Variants in ST8SIA6 observed in about 807,000 individuals in gnomAD.
ST8SIA6 encodes alpha-2,8-sialyltransferase 8F.
In ST8SIA6, 39 loss-of-function variants were observed where a neutral mutation model predicts 33.6. The ratio of observed to expected loss-of-function variants is 1.16; its 90% CI spans 0.90 to 1.52. The LOEUF is 1.52. Among genes scored for constraint, ST8SIA6 ranks in the 40% most tolerant of loss-of-function variants. The probability of loss-of-function intolerance (pLI) is 0.00; values close to 1 mark genes in which losing one functional copy is unlikely to be tolerated. For missense variants in ST8SIA6, 441 were observed against 443.8 expected, an observed-to-expected ratio of 0.99 and a Z score of 0.06; for synonymous variants, 172 against 167.2, an observed-to-expected ratio of 1.03 and a Z score of -0.22.
intron 2 of ST8SIA6, among the ~76,000 whole-genome samples, chr10:17,416,073 G>T (rs1851599088): frequency 6.6e-6 from 1 of 151,970 alleles, no homozygotes; most frequent in South Asian, 2.1e-4. Flanking sequence ...CTCCCAAAGG[G>T]CTGGGATTAC....
At chr10:17,444,370 G>A (rs1265379034) in intron 2 of ST8SIA6, among the ~76,000 whole-genome samples, 1 of 152,200 alleles carries the variant, frequency 6.6e-6, no homozygotes, top group East Asian at 1.9e-4. Flanking sequence ...GTTAAGAGAA[G>A]TGCTGTCAAG....
intron 2 of ST8SIA6, among the ~76,000 whole-genome samples, chr10:17,437,823 T>G (rs1852334197): frequency 1.3e-5 from 2 of 149,730 alleles, no homozygotes; most frequent in African/African-American, 4.9e-5. Context: ...CTCTGCCCCC[T>G]GGGTTCAGGC....
intron 2 of ST8SIA6, among the ~76,000 whole-genome samples, chr10:17,452,187 C>G (rs777456252): frequency 6.6e-6 from 1 of 152,178 alleles, no homozygotes; most frequent in Non-Finnish European, 1.5e-5. Flanking sequence ...TTCTCAAAAG[C>G]TTTTGTTACT....
At chr10:17,356,190 TG>T (rs1469652665) in intron 4 of ST8SIA6, among the ~76,000 whole-genome samples, 2 of 152,150 alleles carry the variant, frequency 1.3e-5, no homozygotes, top group African/African-American at 4.8e-5. Context: ...TATTTTTTTT[TG>T]TTGAGGCCCT....
intron 2 of ST8SIA6, among the ~76,000 whole-genome samples, chr10:17,391,275 A>AT (rs1164975224): frequency 6.7e-6 from 1 of 150,172 alleles, no homozygotes; most frequent in African/African-American, 2.5e-5. Context: ...TTATTTATTT[A>AT]TTTTTTAGAT....
At chr10:17,345,278 C>G (rs1365740900) in intron 4 of ST8SIA6, among the ~76,000 whole-genome samples, 1 of 152,198 alleles carries the variant, frequency 6.6e-6, no homozygotes, top group Non-Finnish European at 1.5e-5. Context: ...GGACAATCCA[C>G]TCCCTAATCT....
At chr10:17,404,453 C>G (rs980608509) in intron 2 of ST8SIA6, among the ~76,000 whole-genome samples, 2 of 152,132 alleles carry the variant, frequency 1.3e-5, no homozygotes, top group Non-Finnish European at 2.9e-5. Context: ...TTCTCCTTAA[C>G]CAAGCTACCC....
chr10:17,418,948 G>T (rs1409403119), intron 2 of ST8SIA6, among the ~76,000 whole-genome samples: 1 of 130,578 alleles, frequency 7.7e-6, no homozygotes, highest in African/African-American at 2.9e-5. Flanking sequence ...AGCGGAGATC[G>T]TGCCACTGCC....
At chr10:17,343,737 C>T (rs537571844) in intron 4 of ST8SIA6, among the ~76,000 whole-genome samples, 1 of 152,212 alleles carries the variant, frequency 6.6e-6, no homozygotes, top group South Asian at 2.1e-4. Flanking sequence ...AATGCAAACA[C>T]GTGATCAGAG....
intron 2 of ST8SIA6, among the ~76,000 whole-genome samples, chr10:17,425,397 C>T (rs758237184): frequency 1.1e-4 from 16 of 152,030 alleles, no homozygotes; most frequent in South Asian, 2.1e-4. Flanking sequence ...GATGAAACCC[C>T]GTCTCTACTT....
At chr10:17,385,382 C>A (rs1219486826) in intron 3 of ST8SIA6, among the ~76,000 whole-genome samples, 1 of 152,152 alleles carries the variant, frequency 6.6e-6, no homozygotes, top group Non-Finnish European at 1.5e-5. Context: ...TTGATGTTGT[C>A]ACGGTGTCTG....
At chr10:17,441,304 C>CTTTATTTA (rs34815790) in intron 2 of ST8SIA6, among the ~76,000 whole-genome samples, 1,485 of 148,206 alleles carry the variant, frequency 0.01, 22 homozygotes, top group African/African-American at 0.028. Flanking sequence ...TCTAAATTAT[C>CTTTATTTA]TTTATTTATT....
intron 4 of ST8SIA6, among the ~76,000 whole-genome samples, chr10:17,334,495 C>T (rs549564955): frequency 6.7e-5 from 10 of 149,788 alleles, no homozygotes; most frequent in Admixed American, 4.0e-4. Flanking sequence ...GCCGCAGTAG[C>T]GCCACTGCAC....
chr10:17,343,001 T>A (rs997526845), intron 4 of ST8SIA6, among the ~76,000 whole-genome samples: 21 of 152,172 alleles, frequency 1.4e-4, no homozygotes, highest in African/African-American at 5.1e-4. Context: ...TGGCTCAATA[T>A]GAGATGCTCT....
chr10:17,442,608 T>TA (rs1339513531), intron 2 of ST8SIA6, among the ~76,000 whole-genome samples: 1 of 152,210 alleles, frequency 6.6e-6, no homozygotes, highest in African/African-American at 2.4e-5. Context: ...ATGTGATCAT[T>TA]AATCTCCAAA....
chr10:17,416,494 CA>C (rs1456195739), intron 2 of ST8SIA6, among the ~76,000 whole-genome samples: 1 of 152,206 alleles, frequency 6.6e-6, no homozygotes, highest in Non-Finnish European at 1.5e-5. Flanking sequence ...TCAAATGTAG[CA>C]TATCCAAAAC....
At chr10:17,437,470 A>G (rs1852308139) in intron 2 of ST8SIA6, among the ~76,000 whole-genome samples, 1 of 151,030 alleles carries the variant, frequency 6.6e-6, no homozygotes, top group Admixed American at 6.6e-5. Context: ...CCATGCCTGG[A>G]CAATCTCTAT....
chr10:17,410,664 G>C (rs1037054729), intron 2 of ST8SIA6: 14 of 152,140 alleles, frequency 9.2e-5, no homozygotes, highest in African/African-American at 3.4e-4. Context: ...GGTATTGCAA[G>C]ATGGTAACTC....
chr10:17,335,544 AT>A (rs1219036267), intron 4 of ST8SIA6, among the ~76,000 whole-genome samples: 2 of 152,202 alleles, frequency 1.3e-5, no homozygotes, highest in Non-Finnish European at 2.9e-5. Flanking sequence ...ATGTTAAAAT[AT>A]TCATTAAAAT....
Sources: gnomAD v4.1 joint callset for allele counts (sites outside exome capture counted in the v4.1 genomes callset) on GRCh38, gnomAD v4.1.1 for gene constraint, MANE v1.5 for transcripts, NCBI Gene and HGNC (gene_info 2026-07-23, HGNC 2026-07-21) for gene names.